The following TBL1X variants were observed in gnomAD, a reference collection of about 807,000 sequenced individuals.
TBL1X encodes the protein transducin beta like 1 X-linked, also known as F-box-like/WD repeat-containing protein TBL1X.
Under a neutral mutation model 50.7 loss-of-function variants are expected in TBL1X, and 10 were observed. The observed-to-expected ratio is 0.20, with a 90% CI of 0.12 to 0.33. TBL1X has a LOEUF of 0.33. Ranked by LOEUF, TBL1X falls within the 10% of genes least tolerant of loss-of-function variation. The pLI is 1.00. For missense variants in TBL1X, 340 were observed against 504.4 expected (o/e 0.67, Z 3.12); for synonymous variants, 190 against 214.7 (o/e 0.88, Z 1.01).
intron 1 of TBL1X, among the ~76,000 whole-genome samples, chrX:9,491,809 C>T (rs570408357): frequency 9.0e-6 from 1 of 110,866 alleles, no homozygotes; most frequent in South Asian, 3.9e-4. Context: ...TCTTCTCCTA[C>T]CCTCAAGTTG....
intron 1 of TBL1X, among the ~76,000 whole-genome samples, chrX:9,495,892 CAT>C (rs62918660): frequency 0.38 from 42,286 of 110,628 alleles, 6,367 homozygotes; most frequent in East Asian, 0.56. Context: ...CAGCTGGGAA[CAT>C]GTGCATTTGG....
chrX:9,481,272 C>T (rs1468901297), intron 1 of TBL1X, among the ~76,000 whole-genome samples: 2 of 111,834 alleles, frequency 1.8e-5, no homozygotes, highest in South Asian at 3.7e-4. Context: ...AATGGAAGAC[C>T]GAAATAAACT....
At chrX:9,472,456 TAATTTTCAATTTTTTTCTAGA>T (rs1355020702) in intron 1 of TBL1X, among the ~76,000 whole-genome samples, 1 of 99,691 alleles carries the variant, frequency 1.0e-5, no homozygotes, top group Non-Finnish European at 2.0e-5. Context: ...TTTTTTTTTT[TAATTTTCAATTTTTTTCTAGA>T]GATTGGGTCT....
chrX:9,622,070 T>C (rs1401929302), intron 2 of TBL1X, among the ~76,000 whole-genome samples: 5 of 110,754 alleles, frequency 4.5e-5, no homozygotes, highest in Non-Finnish European at 9.4e-5. Context: ...TTCACTCTCA[T>C]AACTGTTTCG....
intron 1 of TBL1X, among the ~76,000 whole-genome samples, chrX:9,491,940 C>T (rs1351095381): frequency 8.9e-6 from 1 of 111,929 alleles, no homozygotes; most frequent in Non-Finnish European, 1.9e-5. Context: ...TTGTACACAG[C>T]AAGCATGGAC....
At chrX:9,709,073 G>C (rs1393923559) in intron 13 of TBL1X, among the ~76,000 whole-genome samples, 175 bp from the exon 14 acceptor site, 1 of 111,426 alleles carries the variant, frequency 9.0e-6, no homozygotes, top group Non-Finnish European at 1.9e-5. Context: ...AAATGAAAAA[G>C]GCAAAGTGAG....
intron 5 of TBL1X, among the ~76,000 whole-genome samples, chrX:9,667,921 C>A (rs901489233): frequency 1.8e-5 from 2 of 111,069 alleles, no homozygotes; most frequent in African/African-American, 6.6e-5. Flanking sequence ...GACAAACTTG[C>A]CAAGATCAAA....
intron 12 of TBL1X, among the ~76,000 whole-genome samples, chrX:9,698,361 A>G (rs1038599761): frequency 9.0e-6 from 1 of 111,449 alleles, no homozygotes; most frequent in Non-Finnish European, 1.9e-5. Flanking sequence ...CCAGGACTCA[A>G]CATACTCACA....
chrX:9,635,370 G>A (rs968887883), intron 2 of TBL1X, among the ~76,000 whole-genome samples: 1 of 109,988 alleles, frequency 9.1e-6, no homozygotes, highest in Non-Finnish European at 1.9e-5. Flanking sequence ...GAAACGTGAT[G>A]CCAATCCCAT....
intron 1 of TBL1X, among the ~76,000 whole-genome samples, chrX:9,492,894 T>TGTGTGG (rs796965171): frequency 0.012 from 291 of 24,182 alleles, 36 homozygotes; most frequent in East Asian, 0.06. Context: ...TGTGTGTGTG[T>TGTGTGG]GTGTAGGGGA....
At chrX:9,551,388 A>G (rs1427507600) in intron 2 of TBL1X, among the ~76,000 whole-genome samples, 1 of 110,830 alleles carries the variant, frequency 9.0e-6, no homozygotes. Flanking sequence ...TGCATTCTTC[A>G]TGGTGGTGGT....
chrX:9,604,409 T>C (rs72612806), intron 2 of TBL1X, among the ~76,000 whole-genome samples: 28,969 of 97,251 alleles, frequency 0.3, 3,351 homozygotes, highest in East Asian at 0.66. Flanking sequence ...TTTCCCCCCC[T>C]TTTTTTTTTG....
intron 5 of TBL1X, among the ~76,000 whole-genome samples, chrX:9,655,426 G>A (rs1190697641): frequency 9.0e-6 from 1 of 111,028 alleles, no homozygotes; most frequent in Non-Finnish European, 1.9e-5. Flanking sequence ...GATTGGATTC[G>A]GAATTTACCC....
chrX:9,557,818 C>T (rs960909750), intron 2 of TBL1X, among the ~76,000 whole-genome samples: 5 of 111,784 alleles, frequency 4.5e-5, no homozygotes, highest in Admixed American at 3.8e-4. Flanking sequence ...GGGGAAATGC[C>T]TGTGTTTAAT....
intron 13 of TBL1X, among the ~76,000 whole-genome samples, chrX:9,708,297 G>A (rs888049285): frequency 1.7e-4 from 19 of 112,289 alleles, no homozygotes; most frequent in African/African-American, 5.8e-4. Flanking sequence ...TCCTGAGCCT[G>A]TGCTTTTCGC....
chrX:9,704,401 G>A (rs892973420), intron 12 of TBL1X, among the ~76,000 whole-genome samples: 6 of 111,853 alleles, frequency 5.4e-5, no homozygotes, highest in African/African-American at 1.6e-4. Context: ...CAGGCAGGGC[G>A]GCCCTCTCAC....
chrX:9,553,231 G>A (rs1179855458), intron 2 of TBL1X, among the ~76,000 whole-genome samples: 1 of 111,709 alleles, frequency 9.0e-6, no homozygotes, highest in Non-Finnish European at 1.9e-5. Flanking sequence ...GTGCTTCTGA[G>A]TGGAATAGGG....
chrX:9,545,000 C>CTTTTTTTTT (rs34726098), intron 2 of TBL1X, among the ~76,000 whole-genome samples: 1 of 71,759 alleles, frequency 1.4e-5, no homozygotes. Flanking sequence ...TTTCCCCCCA[C>CTTTTTTTTT]TTTTTTTTTT....
chrX:9,709,374 C>T (rs2083230547), intron 14 of TBL1X, 52 bp downstream of exon 14: 1 of 1,141,975 alleles, frequency 8.8e-7, no homozygotes, highest in African/African-American at 1.8e-5. Context: ...CAACCCCGGG[C>T]ACTTGATGCC....
Sources: allele counts gnomAD v4.1 joint callset (sites outside exome capture counted in the v4.1 genomes callset), GRCh38; gene constraint gnomAD v4.1.1; transcripts MANE v1.5; gene names NCBI Gene and HGNC (gene_info 2026-07-23, HGNC 2026-07-21).